The following PTPRN2 variants were observed in gnomAD, a reference collection of about 807,000 sequenced individuals.
The protein encoded by PTPRN2 is receptor-type tyrosine-protein phosphatase N2.
Under a neutral mutation model 118.8 loss-of-function variants are expected in PTPRN2, and 74 were observed. That is an observed-to-expected ratio of 0.62 (90% CI 0.52 to 0.76). The LOEUF is 0.76. Ranked by LOEUF, PTPRN2 falls within the 30% of genes least tolerant of loss-of-function variation. The pLI is 0.00. For missense variants in PTPRN2, 1,481 were observed against 1,394.4 expected, an observed-to-expected ratio of 1.06 and a Z score of -0.99; for synonymous variants, 641 against 608.0, an observed-to-expected ratio of 1.05 and a Z score of -0.80.
At position 158,015,762 on chromosome 7, in the gene PTPRN2, T is replaced by C. The variant is rs1189525939; in HGVS notation, c.1723+65536A>G. 6.6e-6 allele frequency among the ~76,000 whole-genome samples: 1 copy of C among 152,248 alleles called. No homozygotes were observed. Among genetic ancestry groups the C allele is most frequent in the Non-Finnish European group, 1.5e-5 (1 of 68,046 alleles). On this transcript the variant is annotated intron_variant, in intron 11 of 22. Transcript: ENST00000389418. The surrounding 1 kb of genome is among the most constrained non-coding windows in gnomAD (Gnocchi z 4.2). The stretch of plus-strand genomic sequence containing the variant: ...AACAAATCACAAACATGTCTGTCTA[T>C]TACAATTGTCTAATGGTCCCAGGTC...
chr7:158,031,811 G>A (rs888888110), intron 11 of PTPRN2, among the ~76,000 whole-genome samples: 2 of 152,240 alleles, frequency 1.3e-5, no homozygotes, highest in African/African-American at 4.8e-5. Context: ...GAGTAAAAAA[G>A]GTGGGCGGAA....
At chr7:157,926,554 A>C (rs28366459) in intron 11 of PTPRN2, among the ~76,000 whole-genome samples, 37,597 of 152,166 alleles carry the variant, frequency 0.25, 5,705 homozygotes, top group African/African-American at 0.42. Context: ...TACCTAAATG[A>C]GAAGTGGAGG....
At chr7:157,904,254 C>G (rs1335347790) in intron 11 of PTPRN2, among the ~76,000 whole-genome samples, 1 of 152,234 alleles carries the variant, frequency 6.6e-6, no homozygotes, top group African/African-American at 2.4e-5. Context: ...CACCAGGATT[C>G]TCCTGATTTC....
intron 3 of PTPRN2, among the ~76,000 whole-genome samples, chr7:158,291,568 A>G (rs146393663): frequency 2.8e-4 from 43 of 152,360 alleles, no homozygotes; most frequent in African/African-American, 9.4e-4. Context: ...TGGGTAAAGT[A>G]AAATAGAGTT....
rs191948987 is a variant in PTPRN2, at chr7:157,695,403, C to A, written c.1789-12466G>T. Reference sequence around the variant, plus strand: ...CAGTAATTTATAATTTTACAGTACACAAATAGTATTTAAAATACTTTTGAT... The same window carrying A: ...CAGTAATTTATAATTTTACAGTACAAAAATAGTATTTAAAATACTTTTGAT... On this transcript the variant is annotated intron_variant, in intron 12 of 22. Transcript: ENST00000389418. 0.012 allele frequency among the ~76,000 whole-genome samples: 1,862 copies of A among 151,952 alleles called. 24 individuals are homozygous for A. The Middle Eastern group carries it at 0.13, about 11-fold the overall frequency.
At chr7:157,613,036 G>T (rs886843355) in intron 15 of PTPRN2, among the ~76,000 whole-genome samples, 1 of 152,192 alleles carries the variant, frequency 6.6e-6, no homozygotes, top group African/African-American at 2.4e-5. Flanking sequence ...GGTGCTTCCG[G>T]CCTGGGTGGC....
In PTPRN2 at chr7:157,590,841, C is replaced by T. The variant is rs1287688364; in HGVS notation, c.2496+4397G>A. Among the ~76,000 whole-genome samples the T allele has an allele frequency of 2.0e-5, 3 of 152,198 alleles. No homozygotes were observed. Among genetic ancestry groups the T allele is most frequent in the Non-Finnish European group, 4.4e-5 (3 of 68,032 alleles). On this transcript the variant is annotated intron_variant, in intron 17 of 22. Coordinates refer to ENST00000389418, the MANE Select transcript of PTPRN2 (RefSeq NM_002847.5). The surrounding 1 kb of genome is among the most constrained non-coding windows in gnomAD (Gnocchi z 4.0). ...CTTGGGGCCCTCCTGGCTCCTCTGC[C>T]TCCCAGCAGCCCAGTGACCTCCAAA...
At position 158,138,161 on chromosome 7, in the gene PTPRN2, C is replaced by G. The variant is rs1475685210; in HGVS notation, c.1132+133G>C. 8 of 785,422 alleles carry G rather than the reference C, an allele frequency of 1.0e-5. No individual in the cohort carries two copies. The East Asian group carries it at 1.9e-4, about 18-fold the overall frequency. 48.7% of individuals were successfully genotyped at this position (785,422 alleles called of 1,614,324 possible). On this transcript the variant is annotated intron_variant, in intron 7 of 22. Transcript: ENST00000389418. ...GGCAAAAGTTCAAACAGATAAAAAT[C>G]ATTAATACAGATCCCCATCTCCCCA...
intron 11 of PTPRN2, among the ~76,000 whole-genome samples, chr7:157,947,587 T>C (rs542456242): frequency 2.6e-5 from 4 of 152,308 alleles, no homozygotes; most frequent in African/African-American, 9.6e-5. Flanking sequence ...AGAGGAACCC[T>C]GTTTTAGCAC....
chr7:157,614,450 A>C lies in PTPRN2; in HGVS notation c.2344+6912T>G, dbSNP rs182824214. Among the ~76,000 whole-genome samples, 351 of 152,290 alleles carry C rather than the reference A, an allele frequency of 2.3e-3. 3 individuals carry two copies. Among genetic ancestry groups the C allele is most frequent in the African/African-American group, 8.2e-3 (340 of 41,552 alleles). The stretch of plus-strand genomic sequence containing the variant: ...TTCATATCAGGAAAAAAAGTCAGGG[A>C]CAGCTGTTTCAAAATTAAAAAGACG... On this transcript the variant is annotated intron_variant, in intron 15 of 22. Coordinates refer to ENST00000389418, the MANE Select transcript of PTPRN2 (RefSeq NM_002847.5).
chr7:157,962,500 A>G lies in PTPRN2; in HGVS notation c.1724-63763T>C, dbSNP rs193194256. Among the ~76,000 whole-genome samples the G allele has an allele frequency of 1.2e-4, 18 of 152,370 alleles. 1 individual carries two copies. In the East Asian group the frequency reaches 3.3e-3, roughly 28 times the overall value. ...AGGACACCCTGATCCAGGACAGCAG[A>G]CCAAGGGTGCTTAGTTTTTACACTA... On this transcript the variant is annotated intron_variant, in intron 11 of 22. Coordinates refer to ENST00000389418, the MANE Select transcript of PTPRN2 (RefSeq NM_002847.5).
rs1213774411 is a variant in PTPRN2, at chr7:157,676,320, G to T, written c.2001+6405C>A. Among the ~76,000 whole-genome samples the T allele has an allele frequency of 2.6e-5, 4 of 152,084 alleles. No individual in the cohort carries two copies. The highest frequency in any genetic ancestry group is 5.9e-5 in the Non-Finnish European group (4 of 68,006). ...GCCTCCATCTCCCGCCAGCCGCCAA[G>T]AGCTCCACCCACCACCTGGCCCAGC... On this transcript the variant is annotated intron_variant, in intron 13 of 22. Coordinates refer to ENST00000389418, the MANE Select transcript of PTPRN2 (RefSeq NM_002847.5). The surrounding 1 kb of genome is among the most constrained non-coding windows in gnomAD (Gnocchi z 5.6).
chr7:158,347,025 G>A (rs1807563395), intron 2 of PTPRN2, among the ~76,000 whole-genome samples: 1 of 152,128 alleles, frequency 6.6e-6, no homozygotes. Context: ...TGTACAGCTT[G>A]CAAATATTTT....
intron 2 of PTPRN2, among the ~76,000 whole-genome samples, chr7:158,455,291 G>A (rs1301057440): frequency 7.1e-5 from 4 of 56,650 alleles, no homozygotes; most frequent in African/African-American, 3.1e-4. Flanking sequence ...GCTCTGCAGA[G>A]AAGACAACGG....
At chr7:157,876,623 A>G (rs1795782723) in intron 12 of PTPRN2, among the ~76,000 whole-genome samples, 1 of 152,166 alleles carries the variant, frequency 6.6e-6, no homozygotes, top group South Asian at 2.1e-4. Context: ...TTCCACGTCC[A>G]CCAGGGTGGC....
rs1173028118 is a variant in PTPRN2 at position 158,164,021 on chromosome 7, A to G, written c.910+2910T>C. Among the ~76,000 whole-genome samples, 19 of 152,152 alleles carry G rather than the reference A, an allele frequency of 1.2e-4. 1 individual carries two copies. Among genetic ancestry groups the G allele is most frequent in the Admixed American group, 1.2e-3 (18 of 15,272 alleles). On this transcript the variant is annotated intron_variant, in intron 6 of 22. Coordinates refer to ENST00000389418, the MANE Select transcript of PTPRN2 (RefSeq NM_002847.5). ...AGTTTGGAAGTCAGTTTTTATCAGA[A>G]TATCACCAGCATCGCAGGGTAGCTC... is the stretch of plus-strand genomic sequence containing the variant.
chr7:158,456,855 G>A (rs925748739), intron 2 of PTPRN2, among the ~76,000 whole-genome samples: 5 of 152,068 alleles, frequency 3.3e-5, no homozygotes, highest in Non-Finnish European at 7.4e-5. Context: ...ACTCACTGCA[G>A]CCTCCACCTC....
chr7:158,340,410 AC>A (rs1806464575), intron 2 of PTPRN2, among the ~76,000 whole-genome samples: 1 of 71,400 alleles, frequency 1.4e-5, no homozygotes, highest in Non-Finnish European at 3.1e-5. Flanking sequence ...ACACCCGCAG[AC>A]GTCACTCACA....
At chr7:158,409,942 G>T (rs553318845) in intron 2 of PTPRN2, among the ~76,000 whole-genome samples, 1 of 152,338 alleles carries the variant, frequency 6.6e-6, no homozygotes, top group East Asian at 1.9e-4. Context: ...GCCTTCCAAA[G>T]TTTTCTGAAA....
Sources: allele counts gnomAD v4.1 joint callset (sites outside exome capture counted in the v4.1 genomes callset), GRCh38; gene constraint gnomAD v4.1.1; non-coding constraint Gnocchi (gnomAD v3.1); transcripts MANE v1.5; gene names NCBI Gene and HGNC (gene_info 2026-07-23, HGNC 2026-07-21).